The following PPP1R1C variants were observed in gnomAD, a reference collection of about 807,000 sequenced individuals.
The protein encoded by PPP1R1C is protein phosphatase 1 regulatory inhibitor subunit 1C, also known as protein phosphatase 1 regulatory subunit 1C.
A neutral mutation model predicts 17.4 loss-of-function variants in PPP1R1C; 15 were observed. That is an observed-to-expected ratio of 0.86 (90% CI 0.58 to 1.33). The LOEUF (loss-of-function observed/expected upper bound fraction) is 1.33, where lower values mean the gene tolerates loss of function less well. Among genes scored for constraint, PPP1R1C ranks in the 40% most tolerant of loss-of-function variants. The pLI is 0.00. For missense variants in PPP1R1C, 143 were observed against 130.0 expected (o/e 1.10, Z -0.48); for synonymous variants, 35 against 43.1 (o/e 0.81, Z 0.73).
intron 2 of PPP1R1C, among the ~76,000 whole-genome samples, chr2:182,038,816 C>G (rs775296011): frequency 2.6e-5 from 4 of 152,196 alleles, no homozygotes; most frequent in Non-Finnish European, 4.4e-5. Context: ...TAAGGATCAG[C>G]TTTTAAGAGT....
intron 4 of PPP1R1C, among the ~76,000 whole-genome samples, chr2:182,074,258 G>T (rs966700309): frequency 2.0e-5 from 3 of 151,780 alleles, no homozygotes; most frequent in Non-Finnish European, 4.4e-5. Context: ...AGCCAGGATG[G>T]TCTCCATCTC....
At chr2:182,105,946 G>A (rs1689234785) in intron 4 of PPP1R1C, among the ~76,000 whole-genome samples, 1 of 152,180 alleles carries the variant, frequency 6.6e-6, no homozygotes, top group Non-Finnish European at 1.5e-5. Flanking sequence ...CCAGAACCCT[G>A]AGACAACGGT....
chr2:182,110,917 GA>G (rs1000464968), intron 4 of PPP1R1C, among the ~76,000 whole-genome samples: 31 of 152,098 alleles, frequency 2.0e-4, no homozygotes, highest in Non-Finnish European at 3.2e-4. Context: ...AGCTTCAGAA[GA>G]AAAATGGGCA....
At position 181,961,251 on chromosome 2, in the gene PPP1R1C, G is replaced by A. The variant is rs1417492526; in HGVS notation, n.111+6617G>A. ...TCATTGGTCTCAGACACCACTTTGC[G>A]GCGGGTGGTGGTCTTTGGATGGTTT... On this transcript the variant is annotated intron_variant and non_coding_transcript_variant, in intron 1 of 5. Transcript: ENST00000464264. The surrounding 1 kb of genome is among the most constrained non-coding windows in gnomAD (Gnocchi z 5.8). 6 of 794,692 alleles carry A rather than the reference G, an allele frequency of 7.6e-6. No individual in the cohort carries two copies. Among genetic ancestry groups the A allele is most frequent in the East Asian group, 7.4e-5 (3 of 40,488 alleles). The allele number at this position is 794,692 out of a possible 1,614,324, so 49.2% of individuals were successfully genotyped here. A position where few individuals can be genotyped will look rare whatever the true frequency, so the allele number is the denominator to read the frequency against.
rs1480089823 is a variant in PPP1R1C, at chr2:181,967,921, G to T, written n.112-7298G>T. On this transcript the variant is annotated intron_variant and non_coding_transcript_variant, in intron 1 of 5. Transcript: ENST00000464264. The surrounding 1 kb of genome is among the most constrained non-coding windows in gnomAD (Gnocchi z 5.5). ...GTAGAGAGGGGATTTCTTCATGTTG[G>T]TCAAGCTGGTCTCAAACTCCCAATC... Among the ~76,000 whole-genome samples, 1 of 152,100 alleles carries T rather than the reference G, an allele frequency of 6.6e-6. No individual in the cohort carries two copies. Among genetic ancestry groups the T allele is most frequent in the Non-Finnish European group, 1.5e-5 (1 of 68,016 alleles).
At chr2:182,081,983 C>A (rs1688493940) in intron 4 of PPP1R1C, among the ~76,000 whole-genome samples, 1 of 152,104 alleles carries the variant, frequency 6.6e-6, no homozygotes, top group South Asian at 2.1e-4. Flanking sequence ...CTCCCTATGC[C>A]TATTTTTTTT....
At chr2:181,954,914 G>C (rs1454879340) in intron 1 of PPP1R1C, among the ~76,000 whole-genome samples, 1 of 152,122 alleles carries the variant, frequency 6.6e-6, no homozygotes, top group Non-Finnish European at 1.5e-5. Flanking sequence ...TGGGTTCCAT[G>C]TTTCGAAATG....
At chr2:181,970,652 C>T (rs1684990235) in intron 1 of PPP1R1C, among the ~76,000 whole-genome samples, 1 of 152,154 alleles carries the variant, frequency 6.6e-6, no homozygotes, top group African/African-American at 2.4e-5. Flanking sequence ...ATGGCTTTTC[C>T]TTCAGGTGGC....
chr2:182,061,862 G>A (rs1687860311), intron 3 of PPP1R1C, among the ~76,000 whole-genome samples: 1 of 152,056 alleles, frequency 6.6e-6, no homozygotes, highest in Non-Finnish European at 1.5e-5. Flanking sequence ...GGTATGTGGA[G>A]CCAAAAGTCT....
chr2:182,070,061 C>A (rs760133598), intron 4 of PPP1R1C, among the ~76,000 whole-genome samples: 4 of 152,168 alleles, frequency 2.6e-5, no homozygotes, highest in African/African-American at 2.4e-5. Flanking sequence ...TAGAGCATAG[C>A]ATGGTAAGTC....
intron 2 of PPP1R1C, among the ~76,000 whole-genome samples, chr2:182,013,291 T>TA (rs897255426): frequency 4.2e-4 from 64 of 152,162 alleles, no homozygotes; most frequent in Non-Finnish European, 8.4e-4. Context: ...TTTTTCACTG[T>TA]ACATACTATT....
At chr2:182,086,228 A>T (rs1688625672) in intron 4 of PPP1R1C, among the ~76,000 whole-genome samples, 1 of 152,154 alleles carries the variant, frequency 6.6e-6, no homozygotes, top group African/African-American at 2.4e-5. Flanking sequence ...AGCTGTCATA[A>T]GCTAACACTT....
chr2:182,041,284 A>G (rs1687174136), intron 2 of PPP1R1C, among the ~76,000 whole-genome samples: 1 of 152,174 alleles, frequency 6.6e-6, no homozygotes, highest in African/African-American at 2.4e-5. Flanking sequence ...GACATTAGAT[A>G]TGGACTTCTT....
At chr2:182,092,851 G>C (rs182385248) in intron 4 of PPP1R1C, among the ~76,000 whole-genome samples, 1 of 152,164 alleles carries the variant, frequency 6.6e-6, no homozygotes, top group African/African-American at 2.4e-5. Context: ...GCAGGGTACA[G>C]CCTCCCTTCT....
At chr2:181,996,062 A>G (rs1041416360) in intron 2 of PPP1R1C, among the ~76,000 whole-genome samples, 2 of 152,214 alleles carry the variant, frequency 1.3e-5, no homozygotes, top group African/African-American at 4.8e-5. Flanking sequence ...TGCAAAGGAC[A>G]TTGAGAAAGC....
chr2:182,009,878 A>T (rs12999069), intron 2 of PPP1R1C, among the ~76,000 whole-genome samples: 1 of 151,796 alleles, frequency 6.6e-6, no homozygotes, highest in South Asian at 2.1e-4. Context: ...TATTAAAGAG[A>T]CTGTCCTTCC....
chr2:182,002,140 A>T (rs1685784635), intron 2 of PPP1R1C, among the ~76,000 whole-genome samples: 2 of 151,998 alleles, frequency 1.3e-5, no homozygotes, highest in Admixed American at 6.6e-5. Flanking sequence ...TAGAATGTTG[A>T]TATTCTTCTT....
intron 4 of PPP1R1C, among the ~76,000 whole-genome samples, chr2:182,086,836 G>T (rs537771686): frequency 2.0e-5 from 3 of 151,752 alleles, no homozygotes; most frequent in Admixed American, 6.6e-5. Flanking sequence ...CTATATGATT[G>T]GTCTGACAGA....
intron 1 of PPP1R1C, among the ~76,000 whole-genome samples, chr2:181,971,926 T>C (rs1362211166): frequency 3.9e-5 from 6 of 152,334 alleles, no homozygotes; most frequent in Non-Finnish European, 1.5e-5. Context: ...CTGCACCACA[T>C]GGCCACTGCT....
Sources: allele counts gnomAD v4.1 joint callset (sites outside exome capture counted in the v4.1 genomes callset), GRCh38; gene constraint gnomAD v4.1.1; non-coding constraint Gnocchi (gnomAD v3.1); transcripts MANE v1.5; gene names NCBI Gene and HGNC (gene_info 2026-07-23, HGNC 2026-07-21).